Variants in CA14 observed in about 807,000 individuals in gnomAD.
CA14 encodes the protein CA-XIV.
In CA14, 44 loss-of-function variants were observed where a neutral mutation model predicts 48.8. The ratio of observed to expected loss-of-function variants is 0.90; its 90% confidence interval spans 0.71 to 1.16. The LOEUF (loss-of-function observed/expected upper bound fraction) is 1.16. CA14 is among the 50% of genes most tolerant of loss of function. The probability of loss-of-function intolerance (pLI) is 0.00; values close to 1 mark genes in which losing one functional copy is unlikely to be tolerated. For missense variants in CA14, 386 were observed against 401.0 expected (o/e 0.96, Z 0.32); for synonymous variants, 154 against 155.0 (o/e 0.99, Z 0.05).
intron 7 of CA14, 46 bp from the exon 8 acceptor site, chr1:150,263,253 T>C (rs1553848384): frequency 6.2e-7 from 1 of 1,613,714 alleles, no homozygotes; most frequent in Admixed American, 1.7e-5. Context: ...TTCAGACCCC[T>C]TCCCACTCCC....
At chr1:150,262,894 G>A in intron 6 of CA14, 24 bp downstream of exon 6, 1 of 1,597,674 alleles carries the variant, frequency 6.3e-7, no homozygotes, top group Middle Eastern at 1.7e-4. Flanking sequence ...ATCTATAGCA[G>A]GAAGTAAGAT....
intron 2 of CA14, 48 bp downstream of exon 2, chr1:150,260,219 C>A: frequency 6.3e-7 from 1 of 1,591,764 alleles, no homozygotes; most frequent in Non-Finnish European, 8.6e-7. Context: ...ACTGGGACCT[C>A]CTCACCTGGC....
chr1:150,263,901 T>G, intron 10 of CA14, 23 bp downstream of exon 10: 5 of 1,256,908 alleles, frequency 4.0e-6, no homozygotes, highest in Non-Finnish European at 5.6e-6. Flanking sequence ...TTTCCATTCC[T>G]CCAGTCCCTT....
rs1553848683 is a variant in CA14 at position 150,263,862 on chromosome 1, A to G, written c.931A>G (p.Ile311Val). ...CLCLLLAVYF[I>V]ARKIRKKRLE... The stretch of plus-strand genomic sequence containing the variant: ...CTGCCTTCTCCTGGCTGTTTATTTC[A>G]TTGCTAGAAAGATTCGGTGAGGCCC... The change falls in exon 10 of 11, where the codon ATT (isoleucine) becomes GTT (valine). Residue 311 changes from isoleucine to valine, a missense_variant. Ile to Val is a conservative substitution (Grantham distance 29, BLOSUM62 3). Transcript: ENST00000369111. 1.2e-6 allele frequency: 2 copies of G among 1,608,030 alleles called. No individual in the cohort carries two copies. The highest frequency in any genetic ancestry group is 2.2e-5 in the South Asian group (2 of 90,904).
Position 150,258,023 on chromosome 1 carries a change from G to T in CA14, c.-106G>T. On this transcript the variant is annotated 5_prime_UTR_variant, in exon 1 of 11. Coordinates refer to ENST00000369111, the MANE Select transcript of CA14 (RefSeq NM_012113.3). The stretch of plus-strand genomic sequence containing the variant: ...ATAAATACACTCACGCCAGGAGCTC[G>T]CTCGCTCTCTCTCTCTCTCTCTCAC... 1 of 718,932 alleles carries T rather than the reference G, an allele frequency of 1.4e-6. No individual in the cohort carries two copies. Among genetic ancestry groups the T allele is most frequent in the Non-Finnish European group, 2.2e-6 (1 of 457,770 alleles). The allele number at this position is 718,932 out of a possible 1,614,324, so 44.5% of individuals were successfully genotyped here. A position where few individuals can be genotyped will look rare whatever the true frequency, so the allele number is the denominator to read the frequency against.
chr1:150,263,830 G>A lies in CA14; in HGVS notation c.899G>A (p.Gly300Asp), dbSNP rs1553848657. The A allele has an allele frequency of 6.2e-7, 1 of 1,613,968 alleles. No homozygotes were observed. Among genetic ancestry groups the A allele is most frequent in the East Asian group, 2.2e-5 (1 of 44,864 alleles). Residue 300 changes from glycine (G) to aspartate (D), a missense_variant, in exon 10 of 11, where the codon GGC (glycine) becomes GAC (aspartate). Transcript: ENST00000369111. ...MLSLGVGILV[G>D]CLCLLLAVYF... ...AGTCTAGGTGTAGGAATCTTGGTTG[G>A]CTGTCTCTGCCTTCTCCTGGCTGTT...
chr1:150,263,371 G>A lies in CA14; in HGVS notation c.793G>A (p.Ala265Thr). 1 of 1,614,194 alleles carries A rather than the reference G, an allele frequency of 6.2e-7. No individual in the cohort carries two copies. Among genetic ancestry groups the A allele is most frequent in the Non-Finnish European group, 8.5e-7 (1 of 1,180,044 alleles). Residue 265 changes from alanine to threonine, a missense_variant, in exon 8 of 11, where the codon GCC (alanine) becomes ACC (threonine). Transcript: ENST00000369111. ...TAAGCTTCTGGTACAGAACTACCGA[G>A]CCCTTCAGCCTCTCAATCAGCGCAT... is the stretch of plus-strand genomic sequence containing the variant. ...PSKLLVQNYRALQPLNQRMVF... is the reference protein window; with the variant it reads ...PSKLLVQNYRTLQPLNQRMVF...
chr1:150,264,203 G>A (rs2101841012), intron 10 of CA14, among the ~76,000 whole-genome samples: 1 of 151,920 alleles, frequency 6.6e-6, no homozygotes, highest in African/African-American at 2.4e-5. Flanking sequence ...TGGGATTATA[G>A]GCATGAGCCA....
intron 1 of CA14, 89 bp downstream of exon 1, chr1:150,258,272 G>C: frequency 9.1e-7 from 1 of 1,101,182 alleles, no homozygotes; most frequent in Non-Finnish European, 1.3e-6. Flanking sequence ...AGGTGTGAAA[G>C]GAAGCCTAGA....
intron 8 of CA14, 58 bp from the exon 9 acceptor site, chr1:150,263,601 C>T: frequency 6.8e-6 from 11 of 1,612,608 alleles, no homozygotes; most frequent in Non-Finnish European, 8.5e-6. Flanking sequence ...GCAGAGAGTG[C>T]TGCTCCCAGC....
chr1:150,261,889 G>C (rs1234030406), intron 3 of CA14, among the ~76,000 whole-genome samples: 8 of 152,246 alleles, frequency 5.3e-5, no homozygotes, highest in African/African-American at 1.9e-4. Flanking sequence ...TGAATTTGGA[G>C]ATATGAGAAT....
Position 150,263,212 on chromosome 1 carries a change from G to T in CA14, c.720+13G>T, listed in dbSNP as rs371804274. 1.1e-5 allele frequency: 17 copies of T among 1,613,956 alleles called. No individual in the cohort carries two copies. Among genetic ancestry groups the T allele is most frequent in the Non-Finnish European group, 1.4e-5 (17 of 1,179,976 alleles). Reference sequence around the variant, plus strand: ...TTCAATGGAACAGGTAAGTGGTGGAGAAACGAGGTGAGGTGAGACACAGTT... The same window carrying T: ...TTCAATGGAACAGGTAAGTGGTGGATAAACGAGGTGAGGTGAGACACAGTT... On this transcript the variant is annotated intron_variant, in intron 7 of 10. Transcript: ENST00000369111.
intron 1 of CA14, among the ~76,000 whole-genome samples, chr1:150,259,927 G>A (rs1042211548): frequency 5.9e-5 from 9 of 152,006 alleles, no homozygotes; most frequent in Non-Finnish European, 7.4e-5. Context: ...CCTTTTACTC[G>A]GCAGGCACCA....
chr1:150,260,194 C>G (rs782389401), intron 2 of CA14, 23 bp downstream of exon 2: 7 of 1,612,968 alleles, frequency 4.3e-6, no homozygotes, highest in Non-Finnish European at 5.9e-6. Flanking sequence ...CAAGGCCTCC[C>G]GACAACCCTT....
At chr1:150,260,054 G>C (rs587709056) in intron 1 of CA14, 97 bp from the exon 2 acceptor site, 1 of 1,163,222 alleles carries the variant, frequency 8.6e-7, no homozygotes, top group South Asian at 1.3e-5. Context: ...CAGAGAGGGA[G>C]GTGGAGCAGT....
rs1553848136 is a variant in CA14 at position 150,262,595 on chromosome 1, T to C, written c.470T>C (p.Leu157Pro). 6.2e-7 allele frequency: 1 copy of C among 1,613,834 alleles called. No individual in the cohort carries two copies. The highest frequency in any genetic ancestry group is 2.2e-5 in the East Asian group (1 of 44,884). The change falls in exon 5 of 11, where the codon CTG becomes CCG. Residue 157 changes from leucine (L) to proline (P), a missense_variant. Physicochemically the swap from Leu to Pro is moderately conservative, Grantham distance 98 (BLOSUM62 -3). Coordinates refer to ENST00000369111, the MANE Select transcript of CA14 (RefSeq NM_012113.3). ...GAGGCTGCTGAGAGGCCTCAGGGCC[T>C]GGCTGTCCTGGGCATCCTAATTGAG... ...LSEAAERPQG[L>P]AVLGILIEVG...
chr1:150,261,925 C>T (rs373626482), intron 3 of CA14, among the ~76,000 whole-genome samples: 23 of 152,252 alleles, frequency 1.5e-4, no homozygotes, highest in Non-Finnish European at 2.5e-4. Context: ...GTAGCCAAAG[C>T]GGGAATCGAA....
intron 2 of CA14, chr1:150,260,723 G>C (rs1650941712): frequency 6.0e-6 from 1 of 167,608 alleles, no homozygotes; most frequent in South Asian, 1.4e-4. Context: ...CACTTGATAG[G>C]GGCCTCCAGG....
chr1:150,260,333 T>G (rs1273061172), intron 2 of CA14, 162 bp downstream of exon 2: 1 of 731,550 alleles, frequency 1.4e-6, no homozygotes, highest in Non-Finnish European at 2.5e-6. Context: ...ATATGGCTCC[T>G]AGATCCTGCT....
Sources: allele counts gnomAD v4.1 joint callset (sites outside exome capture counted in the v4.1 genomes callset), GRCh38; gene constraint gnomAD v4.1.1; transcripts MANE v1.5; gene names NCBI Gene and HGNC (gene_info 2026-07-23, HGNC 2026-07-21).